Variants in SLC41A1 observed in about 807,000 individuals in gnomAD.
The protein encoded by SLC41A1 is solute carrier family 41 member 1.
Under a neutral mutation model 47.3 loss-of-function variants are expected in SLC41A1, and 20 were observed. The observed-to-expected ratio is 0.42, with a 90% CI of 0.30 to 0.61. The LOEUF is 0.61. Ranked by LOEUF, SLC41A1 falls within the 20% of genes least tolerant of loss-of-function variation. SLC41A1 has a pLI of 0.17. For synonymous variants in SLC41A1, 282 were observed against 272.7 expected, an observed-to-expected ratio of 1.03 and a Z score of -0.34; for missense variants, 504 against 674.1, an observed-to-expected ratio of 0.75 and a Z score of 2.79.
intron 2 of SLC41A1, among the ~76,000 whole-genome samples, chr1:205,807,708 T>A (rs974476497): frequency 7.8e-5 from 10 of 127,706 alleles, no homozygotes; most frequent in African/African-American, 2.9e-4. Context: ...GAGGCTGGAG[T>A]GCAGTGGTAC....
Position 205,790,807 on chromosome 1 carries a change from A to G in SLC41A1, c.*726T>C, listed in dbSNP as rs1288768753. 2 of 152,606 alleles carry G rather than the reference A, an allele frequency of 1.3e-5. No individual in the cohort carries two copies. The highest frequency in any genetic ancestry group is 2.9e-5 in the Non-Finnish European group (2 of 68,348). The allele number at this position is 152,606 out of a possible 1,614,324, so 9.5% of individuals were successfully genotyped here. The stretch of plus-strand genomic sequence containing the variant: ...AATAGGTGGACATGGGTCAACAGGG[A>G]GAAGAGTGCACTGTTCCATTTTTTC... On this transcript the variant is annotated 3_prime_UTR_variant, in exon 11 of 11. Coordinates refer to ENST00000367137, the MANE Select transcript of SLC41A1 (RefSeq NM_173854.6).
Position 205,810,360 on chromosome 1 carries a change from G to A in SLC41A1, c.82C>T (p.Pro28Ser). 6.2e-7 allele frequency: 1 copy of A among 1,614,146 alleles called. No individual in the cohort carries two copies. The highest frequency in any genetic ancestry group is 8.5e-7 in the Non-Finnish European group (1 of 1,180,024). Residue 28 changes from proline (P) to serine (S), a missense_variant, in exon 2 of 11, where the codon CCA (proline) becomes TCA (serine). Transcript: ENST00000367137. This position sits in a 1 kb window ranked among gnomAD's most constrained non-coding sequence, Gnocchi z 5.5. ...PSASPCSSDG[P>S]GREPLAGTSE... The stretch of plus-strand genomic sequence containing the variant: ...GTCCCAGCCAAGGGCTCTCTCCCTG[G>A]GCCATCTGAAGAGCAGGGAGAGGCA...
At chr1:205,803,749 A>G (rs1296361516) in intron 2 of SLC41A1, among the ~76,000 whole-genome samples, 2 of 149,492 alleles carry the variant, frequency 1.3e-5, no homozygotes, top group African/African-American at 4.9e-5. Context: ...TCTCTCGGGT[A>G]GTTGGGACTA....
At chr1:205,795,091 A>C (rs1284579687) in intron 9 of SLC41A1, 73 bp from the exon 10 acceptor site, 2 of 1,587,162 alleles carry the variant, frequency 1.3e-6, no homozygotes, top group Non-Finnish European at 8.6e-7. Flanking sequence ...TTTCAAAGTC[A>C]GGAGGGACGG....
intron 2 of SLC41A1, chr1:205,801,526 T>C (rs1413734046): frequency 4.6e-6 from 1 of 215,410 alleles, no homozygotes; most frequent in Non-Finnish European, 9.4e-6. Flanking sequence ...CTGGGGAGAT[T>C]AGAGAGTTTG....
chr1:205,806,881 A>AT (rs996851492), intron 2 of SLC41A1, among the ~76,000 whole-genome samples: 6 of 151,686 alleles, frequency 4.0e-5, no homozygotes, highest in African/African-American at 1.2e-4. Context: ...TTTTATTTTT[A>AT]TTTTTTTTGC....
At chr1:205,797,044 A>T in intron 7 of SLC41A1, 41 bp from the exon 8 acceptor site, 14 of 1,564,710 alleles carry the variant, frequency 8.9e-6, no homozygotes, top group Non-Finnish European at 1.2e-5. Context: ...AGACCACTGA[A>T]GGGTTCTGCC....
At chr1:205,812,657 C>T in intron 1 of SLC41A1, 151 bp downstream of exon 1, 1 of 766,568 alleles carries the variant, frequency 1.3e-6, no homozygotes, top group African/African-American at 1.9e-5. Context: ...CAAAAAAGAC[C>T]CATTTTAGTA....
intron 2 of SLC41A1, among the ~76,000 whole-genome samples, chr1:205,804,684 G>A (rs1655973688): frequency 6.6e-6 from 1 of 152,030 alleles, no homozygotes; most frequent in Non-Finnish European, 1.5e-5. Flanking sequence ...CTCCAGAGAG[G>A]GGAAAAATCC....
Position 205,795,492 on chromosome 1 carries a change from T to C in SLC41A1, c.1073-14A>G. 1 of 1,614,122 alleles carries C rather than the reference T, an allele frequency of 6.2e-7. No homozygotes were observed. Among genetic ancestry groups the C allele is most frequent in the Non-Finnish European group, 8.5e-7 (1 of 1,180,012 alleles). On this transcript the variant is annotated splice_polypyrimidine_tract_variant and intron_variant, in intron 8 of 10. Coordinates refer to ENST00000367137, the MANE Select transcript of SLC41A1 (RefSeq NM_173854.6). ...TGCCCCCAACACCTGCAGAGACACATACGGGCTTAGACACAGACAGAGGTC... is the reference window on the plus strand; with the variant it reads ...TGCCCCCAACACCTGCAGAGACACACACGGGCTTAGACACAGACAGAGGTC...
At chr1:205,803,314 T>G (rs1163293835) in intron 2 of SLC41A1, among the ~76,000 whole-genome samples, 1 of 152,210 alleles carries the variant, frequency 6.6e-6, no homozygotes, top group Non-Finnish European at 1.5e-5. Flanking sequence ...ATCCCACTTC[T>G]GGATATTTAT....
At chr1:205,792,941 T>A (rs954071) in intron 10 of SLC41A1, among the ~76,000 whole-genome samples, 8 of 128,158 alleles carry the variant, frequency 6.2e-5, no homozygotes, top group African/African-American at 2.5e-4. Context: ...TCCTCTCTCT[T>A]TTTTTTTTTT....
rs1321842172 is a variant in SLC41A1, at chr1:205,794,873, G to C, written c.1353C>G (p.Leu451=). ...CCCTGCTCCTGCCACTTTGTACCTG[G>C]AGCAGTGCAGCTGTCATATAGAAGA... ...FIIFYMTAAL[L]QVLILLYIAD... is the part of the protein sequence containing the mutation. Residue 451 remains leucine, a synonymous_variant, in exon 10 of 11, where the codon CTC becomes CTG. Transcript: ENST00000367137. 1 of 1,613,900 alleles carries C rather than the reference G, an allele frequency of 6.2e-7. No individual in the cohort carries two copies. The highest frequency in any genetic ancestry group is 8.5e-7 in the Non-Finnish European group (1 of 1,179,984).
rs777344557 is a variant in SLC41A1, at chr1:205,810,162, T to C, written c.280A>G (p.Thr94Ala). The change falls in exon 2 of 11, where the codon ACC (threonine) becomes GCC (alanine). Residue 94 changes from threonine to alanine, a missense_variant. This residue lies in a region of SLC41A1 where 421 missense variants were observed against 601.6 expected (regional missense o/e 0.70). Transcript: ENST00000367137. The surrounding 1 kb of genome is among the most constrained non-coding windows in gnomAD (Gnocchi z 5.5). ...ACTTGCAGCCCGATGGAAAAGGAGG[T>C]CTCCTTGAGCGGGGAAGGTGGCGCA... ...GPAPPSPLKE[T>A]SFSIGLQVLF... 2 of 1,613,964 alleles carry C rather than the reference T, an allele frequency of 1.2e-6. No homozygotes were observed. Among genetic ancestry groups the C allele is most frequent in the Admixed American group, 3.3e-5 (2 of 60,002 alleles).
chr1:205,799,206 G>A (rs1655816014), intron 4 of SLC41A1, 105 bp from the exon 5 acceptor site: 2 of 1,510,794 alleles, frequency 1.3e-6, no homozygotes, highest in Non-Finnish European at 1.8e-6. Context: ...AGTAGCCCCA[G>A]GAGGCAGGCT....
In SLC41A1 at chr1:205,810,642, C is replaced by A; in HGVS notation, c.-201G>T. The A allele has an allele frequency of 1.4e-6, 1 of 738,766 alleles. No homozygotes were observed. Among genetic ancestry groups the A allele is most frequent in the Admixed American group, 2.8e-5 (1 of 36,156 alleles). The allele number at this position is 738,766 out of a possible 1,614,324, so 45.8% of individuals were successfully genotyped here. A position where few individuals can be genotyped will look rare whatever the true frequency, so the allele number is the denominator to read the frequency against. ...GCAGCCCCATCAAGCACTGAAGCCG[C>A]AAGCTGGGAAGAAACAAGAAATTCC... On this transcript the variant is annotated 5_prime_UTR_variant, in exon 2 of 11. Coordinates refer to ENST00000367137, the MANE Select transcript of SLC41A1 (RefSeq NM_173854.6). This position sits in a 1 kb window ranked among gnomAD's most constrained non-coding sequence, Gnocchi z 5.5.
Position 205,794,384 on chromosome 1 carries a change from A to G in SLC41A1, c.1356+486T>C, listed in dbSNP as rs981451267. 2.8e-4 allele frequency among the ~76,000 whole-genome samples: 43 copies of G among 152,144 alleles called. 1 individual carries two copies. Among genetic ancestry groups the G allele is most frequent in the Admixed American group, 2.6e-4 (4 of 15,276 alleles). On this transcript the variant is annotated intron_variant, in intron 10 of 10. Transcript: ENST00000367137. ...TTACAATGTAATAATACAAGAAGGG[A>G]GAAAGTGTCATGGTATTATGGAATG...
Position 205,790,465 on chromosome 1 carries a change from G to C in SLC41A1, c.*1068C>G, listed in dbSNP as rs1421231765. On this transcript the variant is annotated 3_prime_UTR_variant, in exon 11 of 11. Transcript: ENST00000367137. ...AATGATTGGTGAATGTTTGTGGGTA[G>C]AAGCCAAGAAAGAGGAAAACTGACC... 1.3e-5 allele frequency: 2 copies of C among 152,218 alleles called. No individual in the cohort carries two copies. The highest frequency in any genetic ancestry group is 2.9e-5 in the Non-Finnish European group (2 of 68,040). 9.4% of individuals were successfully genotyped at this position (152,218 alleles called of 1,614,324 possible).
At chr1:205,801,237 C>T (rs909464320) in intron 2 of SLC41A1, 177 bp from the exon 3 acceptor site, 3 of 599,968 alleles carry the variant, frequency 5.0e-6, no homozygotes, top group East Asian at 6.0e-5. Flanking sequence ...ATTCTTCAAA[C>T]AACACAACCC....
Sources: gnomAD v4.1 joint callset for allele counts (sites outside exome capture counted in the v4.1 genomes callset) on GRCh38, gnomAD v4.1.1 for gene constraint, gnomAD v4.1.1 regional missense constraint, Gnocchi (gnomAD v3.1) non-coding constraint, MANE v1.5 for transcripts, NCBI Gene and HGNC (gene_info 2026-07-23, HGNC 2026-07-21) for gene names.